The following MED16 variants were observed in gnomAD, a reference collection of about 807,000 sequenced individuals.
MED16 encodes mediator of RNA polymerase II transcription subunit 16.
A neutral mutation model predicts 84.4 loss-of-function variants in MED16; 81 were observed. The observed-to-expected ratio is 0.96, with a 90% CI of 0.80 to 1.15. MED16 has a LOEUF of 1.15. Among genes scored for constraint, MED16 ranks in the 50% most tolerant of loss-of-function variants. MED16 has a pLI of 0.00. For missense variants in MED16, 1,585 were observed against 1,245.9 expected (o/e 1.27, Z -4.10); for synonymous variants, 897 against 552.2 (o/e 1.62, Z -8.76).
rs372660299 is a variant in MED16 at position 886,347 on chromosome 19, G to A, written c.448-146C>T. On this transcript the variant is annotated intron_variant, in intron 4 of 15. Transcript: ENST00000325464. ...AGATCCTGACTCGGCCACCTGAGCC[G>A]TGTGGGATGTGATCCCCTCTGACCC... 237 of 676,724 alleles carry A rather than the reference G, an allele frequency of 3.5e-4. 4 individuals carry two copies. The African/African-American group carries it at 4.1e-3, about 12-fold the overall frequency. 41.9% of individuals were successfully genotyped at this position (676,724 alleles called of 1,614,324 possible).
chr19:890,196 A>C lies in MED16; in HGVS notation c.218T>G (p.Leu73Arg). 6.4e-7 allele frequency: 1 copy of C among 1,555,188 alleles called. No homozygotes were observed. Residue 73 changes from leucine to arginine, a missense_variant, in exon 3 of 16, where the codon CTG becomes CGG. Leu to Arg is a moderately radical substitution (Grantham distance 102, BLOSUM62 -2). Coordinates refer to ENST00000325464, the MANE Select transcript of MED16 (RefSeq NM_005481.3). The part of the protein sequence containing the change: ...HILDTEHPWD[L>R]HSIPSEHHEA... ...GTGGTGCTCTGAGGGGATCGAGTGCAGGTCCCAGGGGTGCTCCGTGTCCAG... is the reference window on the plus strand; with the variant it reads ...GTGGTGCTCTGAGGGGATCGAGTGCCGGTCCCAGGGGTGCTCCGTGTCCAG...
At chr19:882,646 C>T (rs1173961382) in intron 6 of MED16, among the ~76,000 whole-genome samples, 1 of 152,234 alleles carries the variant, frequency 6.6e-6, no homozygotes, top group Non-Finnish European at 1.5e-5. Context: ...AGTGGACAGG[C>T]CACGCCACCT....
At chr19:882,401 C>T (rs2036439019) in intron 6 of MED16, among the ~76,000 whole-genome samples, 1 of 152,106 alleles carries the variant, frequency 6.6e-6, no homozygotes, top group Admixed American at 6.5e-5. Flanking sequence ...CCTGCACACG[C>T]CTGTAGTCCC....
chr19:878,770 C>T (rs2036334341), intron 8 of MED16, among the ~76,000 whole-genome samples: 2 of 145,562 alleles, frequency 1.4e-5, no homozygotes, highest in Admixed American at 6.9e-5. Flanking sequence ...AGCTCCCCTT[C>T]CCCTGGTTGT....
chr19:880,691 G>A (rs543418603), intron 7 of MED16, among the ~76,000 whole-genome samples: 114 of 152,278 alleles, frequency 7.5e-4, no homozygotes, highest in African/African-American at 2.6e-3. Flanking sequence ...AGGCTGAGGC[G>A]GGCAGATTGC....
chr19:877,679 C>G (rs1335915619), intron 8 of MED16, among the ~76,000 whole-genome samples: 1 of 147,522 alleles, frequency 6.8e-6, no homozygotes. Flanking sequence ...CGTGCCCCAG[C>G]AGCTCGCCTT....
At chr19:886,307 T>C (rs2036526514) in intron 4 of MED16, 106 bp from the exon 5 acceptor site, 9 of 1,011,222 alleles carry the variant, frequency 8.9e-6, no homozygotes, top group Non-Finnish European at 1.1e-5. Flanking sequence ...GCCAGGAGTG[T>C]GTGCACCTGG....
At chr19:880,243 G>T in intron 7 of MED16, 95 bp from the exon 8 acceptor site, 4 of 1,235,978 alleles carry the variant, frequency 3.2e-6, no homozygotes, top group African/African-American at 1.6e-5. Flanking sequence ...GAGAGCCGGG[G>T]CTGCCCATCC....
chr19:874,295 G>C (rs1294436955), intron 10 of MED16, among the ~76,000 whole-genome samples: 1 of 152,032 alleles, frequency 6.6e-6, no homozygotes, highest in African/African-American at 2.4e-5. Context: ...TGTATTTTTA[G>C]TAGAGACGGG....
intron 11 of MED16, 26 bp from the exon 12 acceptor site, chr19:872,144 C>A: frequency 6.4e-7 from 1 of 1,556,182 alleles, no homozygotes. Context: ...ATCGGTGTGG[C>A]TGGGGCGGCG....
At chr19:874,092 C>T (rs993131288) in intron 10 of MED16, among the ~76,000 whole-genome samples, 4 of 152,136 alleles carry the variant, frequency 2.6e-5, no homozygotes, top group Non-Finnish European at 5.9e-5. Flanking sequence ...CACACTCAAC[C>T]GGGTACTCCA....
At chr19:887,938 C>A (rs546216327) in intron 4 of MED16, among the ~76,000 whole-genome samples, 1 of 152,064 alleles carries the variant, frequency 6.6e-6, no homozygotes, top group Non-Finnish European at 1.5e-5. Flanking sequence ...CACAGTGACT[C>A]ACGCCTGTCA....
chr19:878,506 A>G (rs1258550603), intron 8 of MED16, among the ~76,000 whole-genome samples: 10 of 124,694 alleles, frequency 8.0e-5, no homozygotes, highest in African/African-American at 1.8e-4. Context: ...CACCAGCCCC[A>G]GCCCCACGTG....
intron 10 of MED16, 86 bp from the exon 11 acceptor site, chr19:873,668 C>G: frequency 6.7e-7 from 1 of 1,494,422 alleles, no homozygotes; most frequent in Non-Finnish European, 9.2e-7. Flanking sequence ...TCGACCTGCA[C>G]TGAGTGCCCA....
intron 13 of MED16, among the ~76,000 whole-genome samples, 156 bp downstream of exon 13, chr19:870,881 G>A (rs1396016167): frequency 2.1e-5 from 3 of 144,836 alleles, no homozygotes; most frequent in African/African-American, 7.7e-5. Context: ...TGGATTCGGG[G>A]GGTCCCGGGC....
At chr19:877,316 G>A (rs530968899) in intron 8 of MED16, 136 bp from the exon 9 acceptor site, 38 of 772,578 alleles carry the variant, frequency 4.9e-5, no homozygotes, top group East Asian at 3.0e-4. Context: ...CTGTGTGCGC[G>A]CATGTGTCTG....
intron 9 of MED16, 66 bp downstream of exon 9, chr19:876,908 C>T: frequency 6.6e-7 from 1 of 1,504,336 alleles, no homozygotes; most frequent in Non-Finnish European, 8.9e-7. Flanking sequence ...CCCCACCTGC[C>T]ACGGGGCCCC....
At chr19:872,217 G>A (rs1176498026) in intron 11 of MED16, 99 bp from the exon 12 acceptor site, 4 of 994,430 alleles carry the variant, frequency 4.0e-6, no homozygotes, top group African/African-American at 1.6e-5. Flanking sequence ...GGGGGGCAAT[G>A]GGCAGGGTCT....
intron 9 of MED16, among the ~76,000 whole-genome samples, chr19:876,258 G>A (rs1486103319): frequency 1.3e-5 from 2 of 152,082 alleles, no homozygotes; most frequent in South Asian, 2.1e-4. Flanking sequence ...GAGGTCCTTC[G>A]AGGACACTCT....
Sources: gnomAD v4.1 joint callset for allele counts (sites outside exome capture counted in the v4.1 genomes callset) on GRCh38, gnomAD v4.1.1 for gene constraint, MANE v1.5 for transcripts, NCBI Gene and HGNC (gene_info 2026-07-23, HGNC 2026-07-21) for gene names.